NRXN3: variants seen among roughly 807,000 people sequenced by gnomAD.
The protein encoded by NRXN3 is neurexin III.
Under a neutral mutation model 137.6 loss-of-function variants are expected in NRXN3, and 32 were observed. That is an observed-to-expected ratio of 0.23 (90% CI 0.18 to 0.31). The LOEUF (loss-of-function observed/expected upper bound fraction) is 0.31, where lower values mean the gene tolerates loss of function less well. NRXN3 is among the 10% of genes least tolerant of loss of function. The probability of loss-of-function intolerance (pLI) is 1.00; values close to 1 mark genes in which losing one functional copy is unlikely to be tolerated. For missense variants in NRXN3, 1,574 were observed against 2,062.5 expected, an observed-to-expected ratio of 0.76 and a Z score of 4.59; for synonymous variants, 798 against 784.5, an observed-to-expected ratio of 1.02 and a Z score of -0.29.
chr14:78,440,705 G>T (rs1268288721), intron 4 of NRXN3, among the ~76,000 whole-genome samples: 1 of 152,070 alleles, frequency 6.6e-6, no homozygotes, highest in African/African-American at 2.4e-5. Context: ...AGCAAATCAG[G>T]CCTGTCCAGA....
intron 15 of NRXN3, among the ~76,000 whole-genome samples, chr14:79,382,463 A>G (rs2094497001): frequency 6.6e-6 from 1 of 152,136 alleles, no homozygotes; most frequent in African/African-American, 2.4e-5. Flanking sequence ...GAAACTAGGT[A>G]TTTGGGAACA....
chr14:78,954,852 TTG>T (rs2099393926), intron 10 of NRXN3, among the ~76,000 whole-genome samples: 1 of 151,826 alleles, frequency 6.6e-6, no homozygotes, highest in Non-Finnish European at 1.5e-5. Context: ...AGTTAAATAT[TTG>T]TGTTTGAATC....
At position 78,923,014 on chromosome 14, in the gene NRXN3, T is replaced by G. The variant is rs149150544; in HGVS notation, c.2276-34228T>G. ...GTGTCTCAGTCTTATTCCAGTCTGC[T>G]TCATTTACTGTTGATGTGATGATTG... On this transcript the variant is annotated intron_variant, in intron 10 of 20. Coordinates refer to ENST00000335750, the MANE Select transcript of NRXN3 (RefSeq NM_001330195.2). Among the ~76,000 whole-genome samples, 623 of 152,336 alleles carry G rather than the reference T, an allele frequency of 4.1e-3. 3 individuals carry two copies. Among genetic ancestry groups the G allele is most frequent in the African/African-American group, 0.014 (585 of 41,576 alleles).
chr14:78,278,661 A>G lies in NRXN3; in HGVS notation c.726A>G (p.Pro242=), dbSNP rs1001353898. The change falls in exon 3 of 21, where the codon CCA becomes CCG. Residue 242 remains proline, a splice_region_variant and synonymous_variant. Coordinates refer to ENST00000335750, the MANE Select transcript of NRXN3 (RefSeq NM_001330195.2). ...CTGCCACAGATGTCAGTCAAGATCCAGGTGAGTCTTTGTGTTTGCACAGCT... is the reference window on the plus strand; with the variant it reads ...CTGCCACAGATGTCAGTCAAGATCCGGGTGAGTCTTTGTGTTTGCACAGCT... The part of the protein sequence containing the change: ...KLCSEDVSQD[P]GLSHLMMSEQ... The G allele has an allele frequency of 6.5e-6, 10 of 1,535,034 alleles. No individual in the cohort carries two copies. The Admixed American group carries it at 1.4e-4, about 21-fold the overall frequency.
At chr14:78,934,406 A>G (rs746731657) in intron 10 of NRXN3, among the ~76,000 whole-genome samples, 2 of 152,194 alleles carry the variant, frequency 1.3e-5, no homozygotes, top group Non-Finnish European at 2.9e-5. Flanking sequence ...ATGGATGAAG[A>G]GAACCCAGGG....
chr14:79,532,884 G>A (rs2097181688), intron 16 of NRXN3, among the ~76,000 whole-genome samples: 1 of 152,076 alleles, frequency 6.6e-6, no homozygotes, highest in Non-Finnish European at 1.5e-5. Context: ...GTCTTCTTTT[G>A]GAGGACTATT....
intron 10 of NRXN3, among the ~76,000 whole-genome samples, chr14:78,843,930 A>G (rs1254855354): frequency 6.6e-6 from 1 of 152,034 alleles, no homozygotes; most frequent in Non-Finnish European, 1.5e-5. Flanking sequence ...GTGTCACAGA[A>G]AGGGTGTCTG....
chr14:79,687,499 T>C (rs1191884721), intron 17 of NRXN3, among the ~76,000 whole-genome samples: 1 of 152,234 alleles, frequency 6.6e-6, no homozygotes, highest in Non-Finnish European at 1.5e-5. Flanking sequence ...CCTCTGACTT[T>C]AATACATAGC....
intron 16 of NRXN3, among the ~76,000 whole-genome samples, chr14:79,575,219 T>A (rs149159743): frequency 6.6e-6 from 1 of 152,306 alleles, no homozygotes; most frequent in African/African-American, 2.4e-5. Context: ...TTCATGGCTC[T>A]GAGTTTGCTA....
At chr14:79,596,941 C>G (rs990458298) in intron 16 of NRXN3, among the ~76,000 whole-genome samples, 1 of 152,140 alleles carries the variant, frequency 6.6e-6, no homozygotes, top group Non-Finnish European at 1.5e-5. Flanking sequence ...TGTATCTTTA[C>G]TTAGTGACTT....
At chr14:79,192,003 A>T (rs1427284105) in intron 15 of NRXN3, among the ~76,000 whole-genome samples, 1 of 152,016 alleles carries the variant, frequency 6.6e-6, no homozygotes, top group Non-Finnish European at 1.5e-5. Context: ...TGTGGATACA[A>T]TGAGTAAAAC....
intron 16 of NRXN3, among the ~76,000 whole-genome samples, chr14:79,654,377 C>A (rs947465533): frequency 4.6e-5 from 7 of 151,704 alleles, no homozygotes. Context: ...AGTTCCACAA[C>A]GAACAGGGGT....
At chr14:78,485,238 C>G (rs1436691622) in intron 4 of NRXN3, among the ~76,000 whole-genome samples, 1 of 152,142 alleles carries the variant, frequency 6.6e-6, no homozygotes, top group Non-Finnish European at 1.5e-5. Context: ...TTGTGTGTCC[C>G]CCGGTTGGGA....
intron 16 of NRXN3, among the ~76,000 whole-genome samples, chr14:79,547,917 G>C (rs924660918): frequency 4.6e-5 from 7 of 152,164 alleles, no homozygotes; most frequent in African/African-American, 1.7e-4. Flanking sequence ...ATTGTCCTTT[G>C]ACTTAGGCAA....
chr14:79,842,946 GT>G (rs906933242), intron 20 of NRXN3, among the ~76,000 whole-genome samples: 9 of 151,840 alleles, frequency 5.9e-5, no homozygotes, highest in Non-Finnish European at 1.2e-4. Flanking sequence ...ATTAGACATT[GT>G]TTTTTTAGAT....
At chr14:78,636,854 G>A (rs556051635) in intron 4 of NRXN3, among the ~76,000 whole-genome samples, 21 of 150,108 alleles carry the variant, frequency 1.4e-4, no homozygotes, top group Admixed American at 6.0e-4. Context: ...AGCAATATCC[G>A]TCCTATCTTA....
At chr14:79,569,888 C>T (rs1015015088) in intron 16 of NRXN3, among the ~76,000 whole-genome samples, 6 of 152,024 alleles carry the variant, frequency 3.9e-5, no homozygotes, top group Admixed American at 2.6e-4. Flanking sequence ...GGCTTACAGG[C>T]GTGAGCCACT....
intron 19 of NRXN3, among the ~76,000 whole-genome samples, chr14:79,720,411 C>T (rs928468357): frequency 4.6e-5 from 7 of 152,092 alleles, no homozygotes; most frequent in Non-Finnish European, 1.0e-4. Flanking sequence ...TCTCCTCTGC[C>T]ATCCTGTTTC....
chr14:79,318,909 C>A (rs1005282063), intron 15 of NRXN3, among the ~76,000 whole-genome samples: 4 of 152,124 alleles, frequency 2.6e-5, no homozygotes, highest in African/African-American at 9.7e-5. Flanking sequence ...CTTTCCCTTC[C>A]TTGTGGTTCA....
Sources: allele counts gnomAD v4.1 joint callset (sites outside exome capture counted in the v4.1 genomes callset), GRCh38; gene constraint gnomAD v4.1.1; transcripts MANE v1.5; gene names NCBI Gene and HGNC (gene_info 2026-07-23, HGNC 2026-07-21).